The following CELF2 variants were observed in gnomAD, a reference collection of about 807,000 sequenced individuals.
The protein encoded by CELF2 is CUGBP Elav-like family member 2.
CELF2 carries 8 observed loss-of-function variants against 62.6 expected under a neutral mutation model. The observed-to-expected ratio is 0.13, with a 90% CI of 0.07 to 0.23. The LOEUF (loss-of-function observed/expected upper bound fraction) is 0.23, where lower values mean the gene tolerates loss of function less well. CELF2 is among the 10% of genes least tolerant of loss of function. CELF2 has a pLI of 1.00. For synonymous variants in CELF2, 258 were observed against 250.0 expected (o/e 1.03, Z -0.30); for missense variants, 333 against 671.0 (o/e 0.50, Z 5.56).
chr10:10,944,794 G>T (rs997782385), intron 2 of CELF2, among the ~76,000 whole-genome samples: 1 of 152,010 alleles, frequency 6.6e-6, no homozygotes, highest in African/African-American at 2.4e-5. Flanking sequence ...TTAGAAATGG[G>T]GTTTCGCCAC....
chr10:10,974,388 G>A lies in CELF2; in HGVS notation c.89+54389G>A, dbSNP rs555948141. 2.0e-5 allele frequency among the ~76,000 whole-genome samples: 3 copies of A among 152,256 alleles called. No homozygotes were observed. The East Asian group carries it at 5.8e-4, about 29-fold the overall frequency. ...TCTCTAACTGTAGTTAGAGAGAGGTGTTAGAAACAGTAAGCCTGAAATTCA... is the reference window on the plus strand; with the variant it reads ...TCTCTAACTGTAGTTAGAGAGAGGTATTAGAAACAGTAAGCCTGAAATTCA... On this transcript the variant is annotated intron_variant, in intron 2 of 13. Coordinates refer to the CELF2 transcript ENST00000636488.
intron 1 of CELF2, among the ~76,000 whole-genome samples, chr10:10,848,636 T>C (rs966589748): frequency 1.3e-5 from 2 of 152,214 alleles, no homozygotes; most frequent in African/African-American, 2.4e-5. Context: ...TGCTGATATC[T>C]TCCCTTTCAG....
chr10:11,014,617 T>C (rs1330359570), upstream of CELF2, among the ~76,000 whole-genome samples: 2 of 152,136 alleles, frequency 1.3e-5, no homozygotes, highest in South Asian at 2.1e-4. Flanking sequence ...ACTGTTTCCA[T>C]TGAGTGTGTT....
chr10:10,730,041 G>C, the CELF2 span, among the ~76,000 whole-genome samples: 1 of 152,206 alleles, frequency 6.6e-6, no homozygotes, highest in African/African-American at 2.4e-5. Context: ...GATTAAGATA[G>C]AGAAAATGAC....
chr10:10,840,375 T>C (rs1317649070), intron 1 of CELF2, among the ~76,000 whole-genome samples: 1 of 152,238 alleles, frequency 6.6e-6, no homozygotes, highest in African/African-American at 2.4e-5. Flanking sequence ...GCAATTGGCA[T>C]TGCCAATTTT....
the CELF2 span, among the ~76,000 whole-genome samples, chr10:10,758,463 C>T: frequency 6.6e-6 from 1 of 152,166 alleles, no homozygotes; most frequent in African/African-American, 2.4e-5. Context: ...CTTCCTGCCT[C>T]GTCCAAAGAT....
At chr10:10,749,411 A>G in the CELF2 span, among the ~76,000 whole-genome samples, 2 of 152,338 alleles carry the variant, frequency 1.3e-5, no homozygotes, top group Middle Eastern at 3.4e-3. Flanking sequence ...TGTGCTATCC[A>G]TCAAAATTGT....
chr10:11,110,752 G>T lies in CELF2; in HGVS notation c.75-54734G>T, dbSNP rs1306968891. The stretch of plus-strand genomic sequence containing the variant: ...CTTTCTTCTGGAATTCCAGAGTACA[G>T]TGTGCCCACGGGAGGCCTCATCCGG... On this transcript the variant is annotated intron_variant, in intron 1 of 12. Coordinates refer to ENST00000633077, the MANE Select transcript of CELF2 (RefSeq NM_001326342.2). This position sits in a 1 kb window ranked among gnomAD's most constrained non-coding sequence, Gnocchi z 4.0. 2.0e-5 allele frequency among the ~76,000 whole-genome samples: 3 copies of T among 152,132 alleles called. No homozygotes were observed. The highest frequency in any genetic ancestry group is 2.0e-4 in the Admixed American group (3 of 15,272).
At chr10:10,831,291 C>T (rs947536317) in intron 1 of CELF2, among the ~76,000 whole-genome samples, 31 of 152,286 alleles carry the variant, frequency 2.0e-4, no homozygotes, top group African/African-American at 7.5e-4. Flanking sequence ...GGTGTTTACT[C>T]CCTCAGGGTT....
intron 1 of CELF2, among the ~76,000 whole-genome samples, chr10:11,141,062 T>C (rs1288777146): frequency 6.6e-6 from 1 of 152,208 alleles, no homozygotes; most frequent in Non-Finnish European, 1.5e-5. Flanking sequence ...CGTAGAGTCA[T>C]TCATTGAGTA....
the CELF2 span, among the ~76,000 whole-genome samples, chr10:10,532,138 C>A: frequency 6.6e-6 from 1 of 152,364 alleles, no homozygotes; most frequent in African/African-American, 2.4e-5. Context: ...ATCTTTGCAA[C>A]CCTTTCTGTT....
chr10:11,083,518 C>T (rs1229081186), intron 1 of CELF2, among the ~76,000 whole-genome samples: 1 of 152,150 alleles, frequency 6.6e-6, no homozygotes, highest in South Asian at 2.1e-4. Flanking sequence ...TGGAAAATAG[C>T]TTGGGTCTTC....
At chr10:11,209,865 G>A (rs2061379930) in intron 2 of CELF2, among the ~76,000 whole-genome samples, 1 of 152,190 alleles carries the variant, frequency 6.6e-6, no homozygotes, top group Non-Finnish European at 1.5e-5. Flanking sequence ...AATCAAGTAA[G>A]AGGAGTGTGT....
At chr10:11,288,072 C>G (rs1481214714) in intron 8 of CELF2, among the ~76,000 whole-genome samples, 1 of 152,390 alleles carries the variant, frequency 6.6e-6, no homozygotes, top group East Asian at 1.9e-4. Context: ...ACTGAAATCT[C>G]TCCTCTTTTC....
At chr10:10,573,509 T>C in the CELF2 span, among the ~76,000 whole-genome samples, 99 of 152,284 alleles carry the variant, frequency 6.5e-4, no homozygotes, top group Admixed American at 5.5e-3. Flanking sequence ...TGTTTTTCTT[T>C]GGGGTGGTAA....
intron 1 of CELF2, among the ~76,000 whole-genome samples, chr10:10,817,068 G>A (rs2056527054): frequency 6.6e-6 from 1 of 152,222 alleles, no homozygotes; most frequent in South Asian, 2.1e-4. Flanking sequence ...AACATGGCGG[G>A]CAGTGGACGG....
At chr10:10,902,681 T>C (rs985616267) in intron 1 of CELF2, among the ~76,000 whole-genome samples, 2 of 152,048 alleles carry the variant, frequency 1.3e-5, no homozygotes, top group African/African-American at 2.4e-5. Context: ...GTTATGGCAG[T>C]AGTTTCACAG....
chr10:10,736,396 C>CTTTCTTTTTTTTTTT, the CELF2 span, among the ~76,000 whole-genome samples: 1 of 76,016 alleles, frequency 1.3e-5, no homozygotes, highest in African/African-American at 5.0e-5. Context: ...TTCTTTCTTT[C>CTTTCTTTTTTTTTTT]TTTTTTTTTT....
In CELF2 at chr10:11,156,356, A is replaced by G. The variant is rs1408203268; in HGVS notation, c.75-9130A>G. Among the ~76,000 whole-genome samples, 1 of 152,156 alleles carries G rather than the reference A, an allele frequency of 6.6e-6. No homozygotes were observed. Among genetic ancestry groups the G allele is most frequent in the Non-Finnish European group, 1.5e-5 (1 of 68,026 alleles). ...ACTTCTCGCGTGCCGTATTAAATCTATTCATTCAGTAAATGTGTTTTGAGG... is the reference window on the plus strand; with the variant it reads ...ACTTCTCGCGTGCCGTATTAAATCTGTTCATTCAGTAAATGTGTTTTGAGG... On this transcript the variant is annotated intron_variant, in intron 1 of 12. Transcript: ENST00000633077. This position sits in a 1 kb window ranked among gnomAD's most constrained non-coding sequence, Gnocchi z 4.3.
Sources: allele counts gnomAD v4.1 joint callset (sites outside exome capture counted in the v4.1 genomes callset), GRCh38; gene constraint gnomAD v4.1.1; non-coding constraint Gnocchi (gnomAD v3.1); transcripts MANE v1.5; gene names NCBI Gene and HGNC (gene_info 2026-07-23, HGNC 2026-07-21).